Variants in CDH4 observed in about 807,000 individuals in gnomAD.
CDH4 encodes the protein cadherin-4.
In CDH4, 33 loss-of-function variants were observed where a neutral mutation model predicts 86.0. That is an observed-to-expected ratio of 0.38 (90% CI 0.29 to 0.51). The LOEUF (loss-of-function observed/expected upper bound fraction) is 0.51, where lower values mean the gene tolerates loss of function less well. CDH4 is among the 20% of genes least tolerant of loss of function. The probability of loss-of-function intolerance (pLI) is 0.86; values close to 1 mark genes in which losing one functional copy is unlikely to be tolerated. For synonymous variants in CDH4, 555 were observed against 549.4 expected, an observed-to-expected ratio of 1.01 and a Z score of -0.14; for missense variants, 1,114 against 1,307.4, an observed-to-expected ratio of 0.85 and a Z score of 2.28.
intron 15 of CDH4, among the ~76,000 whole-genome samples, chr20:61,935,518 GAGGCCAAGGCAGGTGGATC>G (rs1179879925): frequency 6.6e-6 from 1 of 152,250 alleles, no homozygotes. Flanking sequence ...AGCACTTTGG[GAGGCCAAGGCAGGTGGATC>G]ACCTGAGGTC....
At chr20:61,698,067 C>T (rs527682269) in intron 2 of CDH4, among the ~76,000 whole-genome samples, 155 of 152,376 alleles carry the variant, frequency 1.0e-3, no homozygotes, top group Non-Finnish European at 2.0e-3. Flanking sequence ...CTGTCTCACA[C>T]TGCCACACTG....
At chr20:61,372,160 T>C (rs2084844465) in intron 2 of CDH4, among the ~76,000 whole-genome samples, 3 of 152,162 alleles carry the variant, frequency 2.0e-5, no homozygotes, top group Admixed American at 6.5e-5. Context: ...GTGTGACCTG[T>C]GTGGATGCCC....
chr20:61,882,384 AG>A (rs1172455352), intron 7 of CDH4, among the ~76,000 whole-genome samples: 1 of 152,262 alleles, frequency 6.6e-6, no homozygotes, highest in Non-Finnish European at 1.5e-5. Flanking sequence ...ACCCAGAGAC[AG>A]GTCCCACCAC....
At chr20:61,809,260 G>A (rs1292080829) in intron 4 of CDH4, among the ~76,000 whole-genome samples, 3 of 151,910 alleles carry the variant, frequency 2.0e-5, no homozygotes, top group Non-Finnish European at 2.9e-5. Flanking sequence ...GGTCAGCGGC[G>A]GGATGATGGG....
intron 2 of CDH4, among the ~76,000 whole-genome samples, chr20:61,259,083 G>A (rs1238104387): frequency 6.6e-6 from 1 of 152,206 alleles, no homozygotes; most frequent in African/African-American, 2.4e-5. Flanking sequence ...AAGGAAGAAG[G>A]AGGGATGGAT....
intron 9 of CDH4, among the ~76,000 whole-genome samples, chr20:61,914,722 G>A (rs2054887016): frequency 6.6e-6 from 1 of 152,164 alleles, no homozygotes; most frequent in East Asian, 1.9e-4. Context: ...ACACCCACAG[G>A]CGGGCTGGCA....
intron 4 of CDH4, among the ~76,000 whole-genome samples, chr20:61,832,704 A>G (rs970497112): frequency 6.6e-6 from 1 of 152,080 alleles, no homozygotes; most frequent in Admixed American, 6.5e-5. Flanking sequence ...CCCATGATCC[A>G]TTCATCTCCC....
At chr20:61,802,594 G>C (rs6121810) in intron 4 of CDH4, among the ~76,000 whole-genome samples, 2,664 of 152,302 alleles carry the variant, frequency 0.017, 34 homozygotes, top group South Asian at 0.024. Flanking sequence ...TTCCAAACGG[G>C]AGTCCACGCG....
intron 6 of CDH4, among the ~76,000 whole-genome samples, chr20:61,853,157 C>G (rs576274214): frequency 1.6e-4 from 25 of 152,312 alleles, no homozygotes; most frequent in African/African-American, 6.0e-4. Flanking sequence ...AACCCGGGCA[C>G]TGGGAGTCCT....
chr20:61,664,756 G>A (rs2087304374), intron 2 of CDH4, among the ~76,000 whole-genome samples: 1 of 152,232 alleles, frequency 6.6e-6, no homozygotes, highest in Non-Finnish European at 1.5e-5. Flanking sequence ...CAAACACCCT[G>A]CCCCAGTTCC....
intron 2 of CDH4, among the ~76,000 whole-genome samples, chr20:61,267,712 A>G (rs1242553486): frequency 6.6e-6 from 1 of 152,120 alleles, no homozygotes; most frequent in East Asian, 1.9e-4. Flanking sequence ...TGGGGAATGG[A>G]TCGTTCAACA....
intron 6 of CDH4, among the ~76,000 whole-genome samples, chr20:61,861,914 T>C (rs1414310203): frequency 6.6e-6 from 1 of 152,160 alleles, no homozygotes; most frequent in Non-Finnish European, 1.5e-5. Flanking sequence ...AGAAGCGCAC[T>C]GTCCCGTTGA....
intron 2 of CDH4, among the ~76,000 whole-genome samples, chr20:61,564,290 G>A (rs546896881): frequency 2.0e-5 from 3 of 152,198 alleles, no homozygotes; most frequent in African/African-American, 4.8e-5. Flanking sequence ...ATTAAGCACA[G>A]TGTGTGTGGC....
chr20:61,859,931 G>A (rs952455150), intron 6 of CDH4, among the ~76,000 whole-genome samples: 1 of 152,266 alleles, frequency 6.6e-6, no homozygotes, highest in African/African-American at 2.4e-5. Flanking sequence ...CAGGGGTTCT[G>A]CCATGCTGTC....
At chr20:61,477,994 G>T (rs1007583064) in intron 2 of CDH4, among the ~76,000 whole-genome samples, 6 of 152,212 alleles carry the variant, frequency 3.9e-5, no homozygotes, top group African/African-American at 1.4e-4. Flanking sequence ...TTTATGAGAT[G>T]TAAATATAAC....
chr20:61,860,744 G>T (rs1486452372), intron 6 of CDH4, among the ~76,000 whole-genome samples: 1 of 152,136 alleles, frequency 6.6e-6, no homozygotes, highest in Non-Finnish European at 1.5e-5. Flanking sequence ...CCCCTGCAGG[G>T]TTGGCTACAA....
chr20:61,352,276 T>G (rs1329615766), intron 2 of CDH4, among the ~76,000 whole-genome samples: 3 of 152,192 alleles, frequency 2.0e-5, no homozygotes, highest in African/African-American at 7.2e-5. Context: ...CTTTTAAAAT[T>G]TAATATATAT....
chr20:61,294,621 C>T (rs1040176157), intron 2 of CDH4, among the ~76,000 whole-genome samples: 5 of 152,238 alleles, frequency 3.3e-5, no homozygotes, highest in African/African-American at 9.6e-5. Context: ...GGACACTGCT[C>T]TTTCCCCAGG....
chr20:61,335,792 A>G (rs8122914), intron 2 of CDH4, among the ~76,000 whole-genome samples: 67,672 of 146,114 alleles, frequency 0.46, 15,134 homozygotes, highest in East Asian at 0.53. Flanking sequence ...AGGGGCTAGC[A>G]TCTGCATCCT....
Sources: gnomAD v4.1 joint callset for allele counts (sites outside exome capture counted in the v4.1 genomes callset) on GRCh38, gnomAD v4.1.1 for gene constraint, MANE v1.5 for transcripts, NCBI Gene and HGNC (gene_info 2026-07-23, HGNC 2026-07-21) for gene names.